Variants in ITPKB observed in about 807,000 individuals in gnomAD.
The protein encoded by ITPKB is inositol-trisphosphate 3-kinase B, also known as IP3 3-kinase B.
In ITPKB, 13 loss-of-function variants were observed where a neutral mutation model predicts 69.4. The observed-to-expected ratio is 0.19, with a 90% CI of 0.12 to 0.30. The LOEUF is 0.30. Among genes scored for constraint, ITPKB ranks in the 10% least tolerant of loss-of-function variants. The pLI is 1.00. For synonymous variants in ITPKB, 584 were observed against 513.7 expected, an observed-to-expected ratio of 1.14 and a Z score of -1.85; for missense variants, 1,240 against 1,250.5, an observed-to-expected ratio of 0.99 and a Z score of 0.13.
Position 226,737,639 on chromosome 1 carries a change from C to CA in ITPKB, c.-182dup, listed in dbSNP as rs1010753489. Reference sequence around the variant, plus strand: ...CACGACCGCGGGCTCAGCCCCCGCCCAAAGCTCCATAAACAACCGTGCGGC... The same window carrying CA: ...CACGACCGCGGGCTCAGCCCCCGCCCAAAAGCTCCATAAACAACCGTGCGGC... On this transcript the variant is annotated 5_prime_UTR_variant, in exon 2 of 8. The change creates a premature stop within an existing upstream ORF in the 5' untranslated region. Coordinates refer to ENST00000429204, the MANE Select transcript of ITPKB (RefSeq NM_002221.4). The CA allele has an allele frequency of 9.8e-5, 109 of 1,107,120 alleles. No homozygotes were observed. The highest frequency in any genetic ancestry group is 1.1e-4 in the Non-Finnish European group (104 of 907,412). The allele number at this position is 1,107,120 out of a possible 1,614,324, so 68.6% of individuals were successfully genotyped here.
chr1:226,650,946 C>T (rs1334498396), intron 2 of ITPKB, among the ~76,000 whole-genome samples: 2 of 152,168 alleles, frequency 1.3e-5, no homozygotes, highest in South Asian at 4.1e-4. Context: ...ATGGCCCCTC[C>T]GAGGAAGACT....
In ITPKB at chr1:226,735,744, G is replaced by A. The variant is rs752267534; in HGVS notation, c.1715C>T (p.Thr572Ile). ...CCCATCCTCCTGGGTGCCCATGTCT[G>A]TAATGATGACAGCAGGTATGTTGCT... ...SPSNIPAVIITDMGTQEDGAL... is the reference protein window; with the variant it reads ...SPSNIPAVIIIDMGTQEDGAL... Residue 572 changes from threonine to isoleucine, a missense_variant, in exon 2 of 8, where the codon ACA becomes ATA. By Grantham distance (89) the Thr-to-Ile change is moderately conservative. Around this residue, in one of 2 missense-constraint regions of ITPKB, gnomAD observed 992 missense variants for 853.8 expected, o/e 1.16. Transcript: ENST00000429204. 2.5e-6 allele frequency: 4 copies of A among 1,592,314 alleles called. No individual in the cohort carries two copies. Among genetic ancestry groups the A allele is most frequent in the Admixed American group, 1.7e-5 (1 of 58,736 alleles).
rs368093113 is a variant in ITPKB, at chr1:226,667,404, G to A, written c.1933-18633C>T. ...CTCAGAATGCCTAGCCCTTACTGTGGGGTCTGGCTTAAGGGCGGGGTTTCT... is the reference window on the plus strand; with the variant it reads ...CTCAGAATGCCTAGCCCTTACTGTGAGGTCTGGCTTAAGGGCGGGGTTTCT... On this transcript the variant is annotated intron_variant, in intron 2 of 7. Coordinates refer to ENST00000429204, the MANE Select transcript of ITPKB (RefSeq NM_002221.4). Among the ~76,000 whole-genome samples, 5 of 152,324 alleles carry A rather than the reference G, an allele frequency of 3.3e-5. No homozygotes were observed. In the East Asian group the frequency reaches 9.7e-4, roughly 29 times the overall value.
At chr1:226,720,085 T>C (rs1657195522) in intron 2 of ITPKB, among the ~76,000 whole-genome samples, 1 of 152,236 alleles carries the variant, frequency 6.6e-6, no homozygotes, top group Non-Finnish European at 1.5e-5. Context: ...TGCAGTTGCA[T>C]CTATTACATC....
In ITPKB at chr1:226,640,814, C is replaced by T. The variant is rs111777018; in HGVS notation, c.2451+1107G>A. The stretch of plus-strand genomic sequence containing the variant: ...CAAATGCCTTTCTCAGCCCAGAGCT[C>T]GCAAAGCAGCTGTCCCGGGGGAAGG... On this transcript the variant is annotated intron_variant, in intron 5 of 7. Transcript: ENST00000429204. 5.7e-3 allele frequency among the ~76,000 whole-genome samples: 869 copies of T among 152,252 alleles called. 4 individuals are homozygous for T. The highest frequency in any genetic ancestry group is 0.02 in the African/African-American group (811 of 41,524).
rs188441416 is a variant in ITPKB at position 226,649,134 on chromosome 1, C to T, written c.1933-363G>A. On this transcript the variant is annotated intron_variant, in intron 2 of 7. Transcript: ENST00000429204. ...TGCCTGCGAGTGGTTTGAAGAGAGACTTTAAAGAAATTCCTCAGAACAGAA... is the reference window on the plus strand; with the variant it reads ...TGCCTGCGAGTGGTTTGAAGAGAGATTTTAAAGAAATTCCTCAGAACAGAA... Among the ~76,000 whole-genome samples, 9 of 152,350 alleles carry T rather than the reference C, an allele frequency of 5.9e-5. No individual in the cohort carries two copies. The East Asian group carries it at 1.7e-3, about 29-fold the overall frequency.
At chr1:226,651,090 C>T (rs1328704946) in intron 2 of ITPKB, among the ~76,000 whole-genome samples, 2 of 152,150 alleles carry the variant, frequency 1.3e-5, no homozygotes, top group African/African-American at 2.4e-5. Context: ...AGGGAGCTTA[C>T]GGAGGCTGCA....
At chr1:226,672,156 A>T (rs535021485) in intron 2 of ITPKB, among the ~76,000 whole-genome samples, 342 of 152,236 alleles carry the variant, frequency 2.2e-3, no homozygotes, top group Non-Finnish European at 3.7e-3. Context: ...AGAAATAAAA[A>T]TTTTTTATCT....
intron 2 of ITPKB, among the ~76,000 whole-genome samples, chr1:226,688,870 G>A (rs1656279200): frequency 6.6e-6 from 1 of 152,118 alleles, no homozygotes; most frequent in Admixed American, 6.5e-5. Context: ...AAATGATTTG[G>A]ACTCTTTTTG....
chr1:226,659,284 C>T (rs1281845476), intron 2 of ITPKB, among the ~76,000 whole-genome samples: 2 of 152,142 alleles, frequency 1.3e-5, no homozygotes, highest in Non-Finnish European at 2.9e-5. Flanking sequence ...AAGGAGGTTG[C>T]CCAAGGCCCA....
intron 2 of ITPKB, among the ~76,000 whole-genome samples, chr1:226,713,397 C>T (rs569919798): frequency 2.2e-4 from 33 of 152,290 alleles, no homozygotes; most frequent in Non-Finnish European, 4.0e-4. Context: ...CAAACAATTG[C>T]TATTTTTATT....
chr1:226,672,201 A>C (rs1669630830), intron 2 of ITPKB, among the ~76,000 whole-genome samples: 1 of 152,194 alleles, frequency 6.6e-6, no homozygotes, highest in Non-Finnish European at 1.5e-5. Context: ...TCAAACCCAG[A>C]GAGGCACCGA....
At chr1:226,702,172 G>A (rs1656683830) in intron 2 of ITPKB, among the ~76,000 whole-genome samples, 1 of 152,050 alleles carries the variant, frequency 6.6e-6, no homozygotes, top group South Asian at 2.1e-4. Context: ...GAGGTGGGTG[G>A]ATCACTTGAG....
Position 226,667,853 on chromosome 1 carries a change from T to C in ITPKB, c.1933-19082A>G, listed in dbSNP as rs550988040. Among the ~76,000 whole-genome samples the C allele has an allele frequency of 5.2e-3, 733 of 141,742 alleles. 2 individuals are homozygous for C. The highest frequency in any genetic ancestry group is 7.4e-3 in the Non-Finnish European group (472 of 63,870). The allele number at this position is 141,742 out of a possible 152,430, so 93.0% of individuals were successfully genotyped here. The stretch of plus-strand genomic sequence containing the variant: ...GTGTGTGTGTGTGTGTGTGTGTGTG[T>C]GCGCGCGCGCGTGCGAAGTGGAGGT... On this transcript the variant is annotated intron_variant, in intron 2 of 7. Transcript: ENST00000429204.
intron 2 of ITPKB, among the ~76,000 whole-genome samples, chr1:226,659,318 A>G (rs1459561613): frequency 1.3e-5 from 2 of 152,076 alleles, no homozygotes; most frequent in Non-Finnish European, 2.9e-5. Flanking sequence ...GGGCTCCAGG[A>G]GCAGCCCAGG....
At position 226,737,327 on chromosome 1, in the gene ITPKB, G is replaced by A. The variant is rs557731985; in HGVS notation, c.132C>T (p.Pro44=). The A allele has an allele frequency of 3.1e-6, 5 of 1,596,036 alleles. No individual in the cohort carries two copies. In the African/African-American group the frequency reaches 4.0e-5, roughly 13 times the overall value. ...CTCTCCCGGGGCTGAAAACGCTGCC[G>A]GGGCTCAGCACTGCCCTCCTCGGGG... ...PPPPRRAVLS[P]GSVFSPGRGA... is the part of the protein sequence containing the mutation. Residue 44 remains proline, a synonymous_variant, in exon 2 of 8, where the codon CCC becomes CCT. Transcript: ENST00000429204.
At chr1:226,723,093 G>C (rs1657294328) in intron 2 of ITPKB, among the ~76,000 whole-genome samples, 1 of 152,184 alleles carries the variant, frequency 6.6e-6, no homozygotes, top group Non-Finnish European at 1.5e-5. Flanking sequence ...TAGCCATCCA[G>C]CCCGGATCCT....
intron 2 of ITPKB, among the ~76,000 whole-genome samples, chr1:226,667,467 C>CCAA (rs2102763067): frequency 6.6e-6 from 1 of 152,312 alleles, no homozygotes; most frequent in Non-Finnish European, 1.5e-5. Context: ...TTGCCTCACA[C>CCAA]CCAGAGGCCA....
At chr1:226,724,753 C>T (rs572696661) in intron 2 of ITPKB, among the ~76,000 whole-genome samples, 5 of 152,198 alleles carry the variant, frequency 3.3e-5, no homozygotes, top group Admixed American at 1.3e-4. Context: ...AAACCCCTGC[C>T]GAGCTCTCCT....
Sources: gnomAD v4.1 joint callset for allele counts (sites outside exome capture counted in the v4.1 genomes callset) on GRCh38, gnomAD v4.1.1 for gene constraint, gnomAD v4.1.1 regional missense constraint, MANE v1.5 for transcripts, NCBI Gene and HGNC (gene_info 2026-07-23, HGNC 2026-07-21) for gene names.